LRMDA: variants seen among roughly 807,000 people sequenced by gnomAD.
LRMDA encodes the protein leucine-rich melanocyte differentiation-associated protein.
A neutral mutation model predicts 29.8 loss-of-function variants in LRMDA; 18 were observed. The ratio of observed to expected loss-of-function variants is 0.60; its 90% CI spans 0.42 to 0.90. The LOEUF (loss-of-function observed/expected upper bound fraction) is 0.90. Ranked by LOEUF, LRMDA falls within the 40% of genes least tolerant of loss-of-function variation. The pLI, the probability that LRMDA is intolerant of heterozygous loss-of-function variation, is 0.00. For missense variants in LRMDA, 273 were observed against 273.9 expected (o/e 1.00, Z 0.02); for synonymous variants, 125 against 109.4 (o/e 1.14, Z -0.89).
intron 6 of LRMDA, among the ~76,000 whole-genome samples, chr10:76,550,673 G>A (rs1034713574): frequency 1.1e-4 from 16 of 151,968 alleles, no homozygotes; most frequent in Admixed American, 9.8e-4. Flanking sequence ...ACCCTCCCCT[G>A]GGTAAGGTGT....
intron 2 of LRMDA, among the ~76,000 whole-genome samples, chr10:75,912,323 A>C (rs997549932): frequency 1.3e-5 from 2 of 152,208 alleles, no homozygotes; most frequent in African/African-American, 4.8e-5. Context: ...TGATTGAAGT[A>C]AATTTCTGAT....
At chr10:76,100,926 G>A (rs1285497542) in intron 5 of LRMDA, among the ~76,000 whole-genome samples, 1 of 151,512 alleles carries the variant, frequency 6.6e-6, no homozygotes, top group Non-Finnish European at 1.5e-5. Flanking sequence ...GCAGTTCCAG[G>A]GATTCTATTT....
At chr10:75,662,805 A>T (rs1269167392) in intron 2 of LRMDA, among the ~76,000 whole-genome samples, 2 of 152,276 alleles carry the variant, frequency 1.3e-5, no homozygotes, top group South Asian at 2.1e-4. Flanking sequence ...GGGTATGCAC[A>T]TGTTTTTGGC....
chr10:76,277,247 C>T (rs1840147458), intron 5 of LRMDA, among the ~76,000 whole-genome samples: 1 of 151,998 alleles, frequency 6.6e-6, no homozygotes. Context: ...TGGGGAAAAG[C>T]CACATTAAAA....
chr10:76,256,526 G>T (rs749452665), intron 5 of LRMDA, among the ~76,000 whole-genome samples: 2 of 152,112 alleles, frequency 1.3e-5, no homozygotes, highest in Admixed American at 6.6e-5. Flanking sequence ...ATGAGGGGAT[G>T]CATTGTTTGT....
At chr10:76,372,284 A>C (rs113019722) in intron 6 of LRMDA, among the ~76,000 whole-genome samples, 2,342 of 152,264 alleles carry the variant, frequency 0.015, 36 homozygotes, top group African/African-American at 0.042. Flanking sequence ...TTTCCACTGG[A>C]GGGAAGCATT....
intron 2 of LRMDA, chr10:75,783,003 A>C (rs1843411713): frequency 6.2e-7 from 1 of 1,614,158 alleles, no homozygotes; most frequent in Non-Finnish European, 8.5e-7. Flanking sequence ...ACTCAGCGGC[A>C]ATCATTCTTC....
At chr10:75,439,881 G>A (rs1759334158) in intron 2 of LRMDA, among the ~76,000 whole-genome samples, 1 of 152,134 alleles carries the variant, frequency 6.6e-6, no homozygotes, top group African/African-American at 2.4e-5. Context: ...AGCAGACTTA[G>A]GCAAAAGGCT....
At chr10:76,121,943 C>T (rs114763670) in intron 5 of LRMDA, among the ~76,000 whole-genome samples, 1 of 152,052 alleles carries the variant, frequency 6.6e-6, no homozygotes, top group Non-Finnish European at 1.5e-5. Context: ...ACTGGAGATA[C>T]AGATAGACTG....
chr10:76,118,967 G>A (rs578208732), intron 5 of LRMDA, among the ~76,000 whole-genome samples: 1 of 150,884 alleles, frequency 6.6e-6, no homozygotes, highest in South Asian at 2.1e-4. Flanking sequence ...TTCAAAGGGC[G>A]CAGGCCAATC....
intron 5 of LRMDA, among the ~76,000 whole-genome samples, chr10:76,098,391 TTATC>T (rs1435980224): frequency 6.6e-6 from 1 of 152,210 alleles, no homozygotes; most frequent in African/African-American, 2.4e-5. Context: ...GCTATTCAGA[TTATC>T]TATTTCCTTT....
intron 2 of LRMDA, among the ~76,000 whole-genome samples, chr10:75,726,673 A>G (rs941133377): frequency 6.6e-6 from 1 of 152,226 alleles, no homozygotes; most frequent in African/African-American, 2.4e-5. Context: ...TGTTTGAAAT[A>G]TGACCAATAT....
intron 6 of LRMDA, among the ~76,000 whole-genome samples, chr10:76,363,928 T>C (rs1841359941): frequency 6.6e-6 from 1 of 152,192 alleles, no homozygotes; most frequent in Non-Finnish European, 1.5e-5. Flanking sequence ...TCCTCTTAAC[T>C]AGCTCTAATA....
At chr10:76,449,715 A>G (rs1842387629) in intron 6 of LRMDA, among the ~76,000 whole-genome samples, 1 of 151,930 alleles carries the variant, frequency 6.6e-6, no homozygotes, top group African/African-American at 2.4e-5. Flanking sequence ...CATTAATTGT[A>G]CTAGTGATAA....
At chr10:75,877,635 A>G (rs181286055) in intron 2 of LRMDA, among the ~76,000 whole-genome samples, 1 of 152,356 alleles carries the variant, frequency 6.6e-6, no homozygotes, top group Admixed American at 6.5e-5. Flanking sequence ...TCTAACAGGC[A>G]AACTAGCTTA....
At chr10:75,605,605 C>T (rs1840946449) in intron 2 of LRMDA, among the ~76,000 whole-genome samples, 1 of 152,220 alleles carries the variant, frequency 6.6e-6, no homozygotes, top group South Asian at 2.1e-4. Context: ...TTTCTGGGCA[C>T]ATTCTAACCC....
chr10:75,502,159 T>TTG (rs1390393593), intron 2 of LRMDA, among the ~76,000 whole-genome samples: 1 of 152,184 alleles, frequency 6.6e-6, no homozygotes, highest in Admixed American at 6.5e-5. Flanking sequence ...TTAACTGTCT[T>TTG]AGCCCAAAAG....
At chr10:76,364,367 G>C (rs994123239) in intron 6 of LRMDA, among the ~76,000 whole-genome samples, 3 of 152,128 alleles carry the variant, frequency 2.0e-5, no homozygotes, top group Non-Finnish European at 2.9e-5. Context: ...CATTTTACTT[G>C]ACATAAATTA....
intron 5 of LRMDA, among the ~76,000 whole-genome samples, chr10:76,220,091 C>A (rs1851802104): frequency 6.6e-6 from 1 of 152,074 alleles, no homozygotes; most frequent in African/African-American, 2.4e-5. Context: ...CACAACATAC[C>A]AGAATCTCTG....
Sources: allele counts gnomAD v4.1 joint callset (sites outside exome capture counted in the v4.1 genomes callset), GRCh38; gene constraint gnomAD v4.1.1; transcripts MANE v1.5; gene names NCBI Gene and HGNC (gene_info 2026-07-23, HGNC 2026-07-21).